CFTR: variants seen among roughly 807,000 people sequenced by gnomAD.
The protein encoded by CFTR is CF transmembrane conductance regulator.
A neutral mutation model predicts 171.6 loss-of-function variants in CFTR; 181 were observed. The observed-to-expected ratio is 1.05, with a 90% CI of 0.93 to 1.19. CFTR has a LOEUF of 1.19. CFTR is among the 50% of genes most tolerant of loss of function. CFTR has a pLI of 0.00. For synonymous variants in CFTR, 583 were observed against 608.0 expected, an observed-to-expected ratio of 0.96 and a Z score of 0.60; for missense variants, 1,968 against 1,734.7, an observed-to-expected ratio of 1.13 and a Z score of -2.39.
At chr7:117,614,211 CTT>C (rs1352957744) in intron 20 of CFTR, among the ~76,000 whole-genome samples, 1 of 152,002 alleles carries the variant, frequency 6.6e-6, no homozygotes, top group Non-Finnish European at 1.5e-5. Context: ...CTTTTGGTCT[CTT>C]TGTAAAGCAG....
chr7:117,485,584 T>C (rs1161958517), intron 1 of CFTR, among the ~76,000 whole-genome samples: 2 of 152,136 alleles, frequency 1.3e-5, no homozygotes, highest in African/African-American at 4.8e-5. Flanking sequence ...CTGTAGGGCA[T>C]TGTGTCAGCA....
intron 24 of CFTR, among the ~76,000 whole-genome samples, chr7:117,659,319 T>G (rs1054300922): frequency 2.0e-5 from 3 of 152,186 alleles, no homozygotes; most frequent in Non-Finnish European, 4.4e-5. Flanking sequence ...ACCTTTTAAC[T>G]TGTCCATGTC....
At chr7:117,536,710 TC>T in intron 7 of CFTR, 37 bp downstream of exon 7, 1 of 1,562,392 alleles carries the variant, frequency 6.4e-7, no homozygotes, top group Admixed American at 1.7e-5. Flanking sequence ...TGTTAGTAAT[TC>T]TGTCCTTAAT....
chr7:117,529,497 C>T (rs1183951324), intron 3 of CFTR, among the ~76,000 whole-genome samples: 1 of 121,990 alleles, frequency 8.2e-6, no homozygotes, highest in East Asian at 2.2e-4. Flanking sequence ...GCACATGTAC[C>T]CTAAAACTTA....
chr7:117,567,074 G>A (rs1791613523), intron 11 of CFTR, among the ~76,000 whole-genome samples: 1 of 152,154 alleles, frequency 6.6e-6, no homozygotes. Flanking sequence ...CTTAAGCCAT[G>A]TTTTCATATT....
At chr7:117,519,645 A>T (rs1798654834) in intron 3 of CFTR, among the ~76,000 whole-genome samples, 1 of 151,868 alleles carries the variant, frequency 6.6e-6, no homozygotes, top group Non-Finnish European at 1.5e-5. Flanking sequence ...TTCCCATGGG[A>T]ATTTATACTT....
chr7:117,544,754 C>T (rs1391717226), intron 9 of CFTR, among the ~76,000 whole-genome samples: 1 of 152,238 alleles, frequency 6.6e-6, no homozygotes, highest in East Asian at 1.9e-4. Context: ...AACCTTATCA[C>T]TCTTCTTCCC....
intron 1 of CFTR, among the ~76,000 whole-genome samples, chr7:117,484,179 G>T (rs1227660455): frequency 6.6e-6 from 1 of 152,124 alleles, no homozygotes; most frequent in Admixed American, 6.6e-5. Context: ...CCAAACAAGG[G>T]TTTAGTCTAG....
At position 117,559,433 on chromosome 7, in the gene CFTR, A is replaced by G. The variant is rs769191524; in HGVS notation, c.1393-31A>G. 2.8e-6 allele frequency: 4 copies of G among 1,412,004 alleles called. No individual in the cohort carries two copies. The South Asian group carries it at 4.6e-5, about 16-fold the overall frequency. 87.5% of individuals were successfully genotyped at this position (1,412,004 alleles called of 1,614,324 possible). On this transcript the variant is annotated intron_variant, in intron 10 of 26. Coordinates refer to ENST00000003084, the MANE Select transcript of CFTR (RefSeq NM_000492.4). The stretch of plus-strand genomic sequence containing the variant: ...AGTGAATCCTGAGCGTGATTTGATA[A>G]TGACCTAATAATGATGGGTTTTATT...
At chr7:117,551,249 G>T (rs540349349) in intron 10 of CFTR, among the ~76,000 whole-genome samples, 2 of 152,256 alleles carry the variant, frequency 1.3e-5, no homozygotes, top group South Asian at 4.1e-4. Flanking sequence ...GCCAATAAAA[G>T]GTTTGTTAAA....
intron 9 of CFTR, among the ~76,000 whole-genome samples, chr7:117,545,613 T>C (rs1194774357): frequency 6.6e-6 from 1 of 152,198 alleles, no homozygotes; most frequent in African/African-American, 2.4e-5. Flanking sequence ...TGGTGAGTTA[T>C]ATACAACTCC....
chr7:117,620,360 A>C (rs1016244190), intron 21 of CFTR, among the ~76,000 whole-genome samples: 2 of 152,204 alleles, frequency 1.3e-5, no homozygotes, highest in Non-Finnish European at 2.9e-5. Context: ...AGGTTCCTTC[A>C]AGCTTTGACA....
chr7:117,570,229 C>T lies in CFTR; in HGVS notation c.1584+10574C>T, dbSNP rs998564045. Among the ~76,000 whole-genome samples the T allele has an allele frequency of 7.9e-5, 12 of 151,432 alleles. No homozygotes were observed. The East Asian group carries it at 9.7e-4, about 12-fold the overall frequency. On this transcript the variant is annotated intron_variant, in intron 11 of 26. Transcript: ENST00000003084. ...AAAACAAACAAAAAAACAAAAAACC[C>T]GAAAAACAAAAAAAGAGGCAGAAAG...
chr7:117,532,577 G>T (rs971295402), intron 4 of CFTR, among the ~76,000 whole-genome samples: 1 of 152,140 alleles, frequency 6.6e-6, no homozygotes, highest in Non-Finnish European at 1.5e-5. Context: ...ACTGTAATGC[G>T]GGAAGAGACA....
chr7:117,642,077 C>T (rs1792923219), intron 22 of CFTR, among the ~76,000 whole-genome samples: 1 of 152,204 alleles, frequency 6.6e-6, no homozygotes, highest in Admixed American at 6.5e-5. Flanking sequence ...GTCTCTGCTT[C>T]TGGCTTGAGC....
chr7:117,584,546 C>G (rs1791900724), intron 11 of CFTR, among the ~76,000 whole-genome samples: 3 of 152,082 alleles, frequency 2.0e-5, no homozygotes, highest in Admixed American at 2.0e-4. Context: ...ATTTGTGTAC[C>G]AGTACCAGGC....
In CFTR at chr7:117,614,616, AAGG is replaced by A; in HGVS notation, c.3374_3376del (p.Gly1125del). 6.2e-7 allele frequency: 1 copy of A among 1,602,904 alleles called. No homozygotes were observed. Among genetic ancestry groups the A allele is most frequent in the Non-Finnish European group, 8.5e-7 (1 of 1,170,120 alleles). On this transcript the variant is annotated inframe_deletion, in exon 21 of 27. Coordinates refer to ENST00000003084, the MANE Select transcript of CFTR (RefSeq NM_000492.4). ...TACGTCTTTTGTGCATCTATAGGAG[AAGG>A]AGAAGGAAGAGTTGGTATTATCCTG...
intron 21 of CFTR, among the ~76,000 whole-genome samples, chr7:117,627,019 G>T (rs1041283699): frequency 6.6e-6 from 1 of 152,024 alleles, no homozygotes; most frequent in Non-Finnish European, 1.5e-5. Flanking sequence ...GACTTAAATT[G>T]TTTAAAGATT....
chr7:117,481,501 T>A (rs1798000043), intron 1 of CFTR, among the ~76,000 whole-genome samples: 1 of 152,318 alleles, frequency 6.6e-6, no homozygotes, highest in African/African-American at 2.4e-5. Context: ...TATTGATCTG[T>A]CAAAGTGGGT....
Sources: allele counts gnomAD v4.1 joint callset (sites outside exome capture counted in the v4.1 genomes callset), GRCh38; gene constraint gnomAD v4.1.1; transcripts MANE v1.5; gene names NCBI Gene and HGNC (gene_info 2026-07-23, HGNC 2026-07-21).